Variants in PROCR observed in about 807,000 individuals in gnomAD.
PROCR encodes the protein protein C receptor, also known as endothelial protein C receptor.
PROCR carries 22 observed loss-of-function variants against 24.2 expected under a neutral mutation model. The observed-to-expected ratio is 0.91, with a 90% CI of 0.65 to 1.30. The LOEUF is 1.30. PROCR is among the 50% of genes most tolerant of loss of function. The pLI, the probability that PROCR is intolerant of heterozygous loss-of-function variation, is 0.00. For synonymous variants in PROCR, 137 were observed against 139.2 expected (o/e 0.98, Z 0.11); for missense variants, 288 against 307.7 (o/e 0.94, Z 0.48).
At chr20:35,196,180 CAAAAAAAAAAAAAA>C (rs68132775) in intron 1 of PROCR, among the ~76,000 whole-genome samples, 15 of 63,474 alleles carry the variant, frequency 2.4e-4, no homozygotes, top group African/African-American at 8.5e-4. Context: ...AGACTGCCTC[CAAAAAAAAAAAAAA>C]AAAAAAAAAA....
At chr20:35,183,512 C>T (rs1164374266) in intron 1 of PROCR, among the ~76,000 whole-genome samples, 1 of 152,172 alleles carries the variant, frequency 6.6e-6, no homozygotes, top group African/African-American at 2.4e-5. Flanking sequence ...TCCTGTACAT[C>T]CTGCAGAAGT....
Position 35,172,115 on chromosome 20 carries a change from GC to G in PROCR, c.-37del, listed in dbSNP as rs763014379. On this transcript the variant is annotated 5_prime_UTR_variant, in exon 1 of 4. Transcript: ENST00000216968. ...CTGCAGCCAGCGGAGCCCGCAGCCG[GC>G]CCGAGCCAGGAACCCAGGTCCGGAG... 3 of 1,606,694 alleles carry G rather than the reference GC, an allele frequency of 1.9e-6. No homozygotes were observed. In the South Asian group the frequency reaches 3.3e-5, roughly 18 times the overall value.
In PROCR at chr20:35,176,334, C is replaced by T. The variant is rs201040729; in HGVS notation, c.489C>T (p.Phe163=). Residue 163 remains phenylalanine (F), a synonymous_variant, in exon 3 of 4, where the codon TTC becomes TTT. Coordinates refer to ENST00000216968, the MANE Select transcript of PROCR (RefSeq NM_006404.5). ...AGGTCACCTCCGGAGTGGTCACCTTCACCCTGCAGCAGCTCAATGCCTACA... is the reference window on the plus strand; with the variant it reads ...AGGTCACCTCCGGAGTGGTCACCTTTACCCTGCAGCAGCTCAATGCCTACA... ...DTQVTSGVVT[F]TLQQLNAYNR... The T allele has an allele frequency of 8.6e-5, 139 of 1,614,252 alleles. 1 individual carries two copies. Among genetic ancestry groups the T allele is most frequent in the African/African-American group, 3.2e-4 (24 of 75,066 alleles).
rs1210227927 is a variant in PROCR at position 35,176,874 on chromosome 20, GCTCACTGTGAAGCCAGA to G, written c.*65_*81del. 1 of 1,585,464 alleles carries G rather than the reference GCTCACTGTGAAGCCAGA, an allele frequency of 6.3e-7. No homozygotes were observed. Among genetic ancestry groups the G allele is most frequent in the Non-Finnish European group, 8.6e-7 (1 of 1,164,810 alleles). On this transcript the variant is annotated 3_prime_UTR_variant, in exon 4 of 4. Transcript: ENST00000216968. ...TGGAGGCTGGCAAGGGAAAGTTTCA[GCTCACTGTGAAGCCAGA>G]CTCCCCAACTGAAACACCAGAAGGT...
intron 1 of PROCR, among the ~76,000 whole-genome samples, chr20:35,193,320 C>T (rs972794370): frequency 2.0e-5 from 3 of 152,108 alleles, no homozygotes; most frequent in Admixed American, 2.0e-4. Context: ...GGCCTACAGG[C>T]GCATGCCACC....
chr20:35,178,458 A>ACTTAAGT (rs1480892412), downstream of PROCR, among the ~76,000 whole-genome samples: 1 of 140,606 alleles, frequency 7.1e-6, no homozygotes, highest in Non-Finnish European at 1.5e-5. Context: ...TTGTCATCAG[A>ACTTAAGT]CTTAAGTTTT....
chr20:35,205,146 A>G (rs972163803), intron 1 of PROCR, among the ~76,000 whole-genome samples: 1 of 151,810 alleles, frequency 6.6e-6, no homozygotes, highest in Admixed American at 6.6e-5. Flanking sequence ...GGTGGTGTGC[A>G]CTAGTAGTCC....
chr20:35,212,771 C>G (rs981056411), intron 1 of PROCR, among the ~76,000 whole-genome samples: 1 of 152,152 alleles, frequency 6.6e-6, no homozygotes, highest in Admixed American at 6.5e-5. Context: ...AGGATAAATT[C>G]TCAGAATTAG....
intron 1 of PROCR, chr20:35,202,118 C>T (rs2060320690): frequency 1.3e-5 from 2 of 152,242 alleles, no homozygotes; most frequent in South Asian, 4.1e-4. Context: ...ATATTCTTTC[C>T]AAGTGCCCAC....
chr20:35,189,237 T>A (rs1156350084), intron 1 of PROCR, among the ~76,000 whole-genome samples: 1 of 143,620 alleles, frequency 7.0e-6, no homozygotes, highest in Non-Finnish European at 1.5e-5. Flanking sequence ...ATATTAATAA[T>A]TAACAGCCCT....
At chr20:35,173,882 A>T (rs1488707826) in intron 1 of PROCR, among the ~76,000 whole-genome samples, 1 of 152,210 alleles carries the variant, frequency 6.6e-6, no homozygotes, top group Non-Finnish European at 1.5e-5. Context: ...CAGAAAAGGC[A>T]GCAGGGGCCA....
At chr20:35,171,924 G>C, upstream of PROCR, 2 of 600,356 alleles carry the variant, frequency 3.3e-6, no homozygotes, top group Non-Finnish European at 6.0e-6. Context: ...ATGAAGGGCG[G>C]GGCAGAGGGA....
At chr20:35,207,895 A>G (rs1321648230) in intron 1 of PROCR, among the ~76,000 whole-genome samples, 1 of 144,606 alleles carries the variant, frequency 6.9e-6, no homozygotes, top group East Asian at 2.0e-4. Context: ...CCTAAACTTT[A>G]TTATTATTTG....
At chr20:35,204,388 C>A (rs1355366739) in intron 1 of PROCR, among the ~76,000 whole-genome samples, 1 of 130,002 alleles carries the variant, frequency 7.7e-6, no homozygotes, top group Admixed American at 8.5e-5. Context: ...CTCCCTCCTT[C>A]CTTCCTTCCT....
intron 1 of PROCR, among the ~76,000 whole-genome samples, chr20:35,190,456 C>A (rs1176606893): frequency 2.0e-5 from 3 of 152,210 alleles, no homozygotes; most frequent in Non-Finnish European, 2.9e-5. Context: ...CCTCTCACAA[C>A]CTTGCCCCCT....
chr20:35,176,876 T>C lies in PROCR; in HGVS notation c.*63T>C. The C allele has an allele frequency of 6.3e-7, 1 of 1,583,360 alleles. No homozygotes were observed. Among genetic ancestry groups the C allele is most frequent in the Non-Finnish European group, 8.6e-7 (1 of 1,163,510 alleles). On this transcript the variant is annotated 3_prime_UTR_variant, in exon 4 of 4. Transcript: ENST00000216968. ...GAGGCTGGCAAGGGAAAGTTTCAGC[T>C]CACTGTGAAGCCAGACTCCCCAACT... is the stretch of plus-strand genomic sequence containing the variant.
chr20:35,215,097 C>T (rs1402964015), intron 1 of PROCR, among the ~76,000 whole-genome samples: 9 of 151,902 alleles, frequency 5.9e-5, no homozygotes, highest in Admixed American at 4.6e-4. Flanking sequence ...TTAGTAGAAA[C>T]GGGGTTTCAC....
intron 1 of PROCR, among the ~76,000 whole-genome samples, chr20:35,189,645 G>A (rs955852850): frequency 2.0e-5 from 3 of 152,036 alleles, no homozygotes; most frequent in African/African-American, 7.2e-5. Flanking sequence ...CGGCTCAGGG[G>A]GCATCACGGA....
rs370712079 is a variant in PROCR at position 35,172,191 on chromosome 20, G to A, written c.37G>A (p.Gly13Ser). Reference protein sequence around the residue: ...TTLLPILLLSGWAFCSQDASD... With the variant: ...TTLLPILLLSSWAFCSQDASD... ...ATTGCTGCCGATACTGCTGCTGTCT[G>A]GCTGGGCCTTTTGTAGCCAAGACGC... The change falls in exon 1 of 4, where the codon GGC becomes AGC. Residue 13 changes from glycine (G) to serine (S), a missense_variant. Physicochemically the swap from Gly to Ser is moderately conservative, Grantham distance 56 (BLOSUM62 0). Transcript: ENST00000216968. The A allele has an allele frequency of 6.2e-7, 1 of 1,614,224 alleles. No homozygotes were observed. Among genetic ancestry groups the A allele is most frequent in the East Asian group, 2.2e-5 (1 of 44,872 alleles).
Sources: allele counts gnomAD v4.1 joint callset (sites outside exome capture counted in the v4.1 genomes callset), GRCh38; gene constraint gnomAD v4.1.1; transcripts MANE v1.5; gene names NCBI Gene and HGNC (gene_info 2026-07-23, HGNC 2026-07-21).